The following ARHGAP31 variants were observed in gnomAD, a reference collection of about 807,000 sequenced individuals.
The protein encoded by ARHGAP31 is Rho GTPase activating protein 31, also known as rho GTPase-activating protein 31.
ARHGAP31 carries 34 observed loss-of-function variants against 113.9 expected under a neutral mutation model. The ratio of observed to expected loss-of-function variants is 0.30; its 90% CI spans 0.23 to 0.40. The LOEUF is 0.40. ARHGAP31 is among the 10% of genes least tolerant of loss of function. The pLI, the probability that ARHGAP31 is intolerant of heterozygous loss-of-function variation, is 1.00. For synonymous variants in ARHGAP31, 650 were observed against 684.8 expected (o/e 0.95, Z 0.79); for missense variants, 1,548 against 1,767.1 (o/e 0.88, Z 2.22).
At chr3:119,319,454 T>C (rs926553277) in intron 1 of ARHGAP31, among the ~76,000 whole-genome samples, 11 of 152,104 alleles carry the variant, frequency 7.2e-5, no homozygotes, top group Non-Finnish European at 5.9e-5. Flanking sequence ...GAAACCACGG[T>C]ACATTATAGC....
chr3:119,309,381 T>C lies in ARHGAP31; in HGVS notation c.100+14377T>C, dbSNP rs1231167909. Among the ~76,000 whole-genome samples, 5 of 152,300 alleles carry C rather than the reference T, an allele frequency of 3.3e-5. No individual in the cohort carries two copies. In the East Asian group the frequency reaches 7.7e-4, roughly 24 times the overall value. On this transcript the variant is annotated intron_variant, in intron 1 of 11. Transcript: ENST00000264245. The stretch of plus-strand genomic sequence containing the variant: ...AGAAGTGCTGGAATCATGGCTCCCA[T>C]CGATTGAGAACTTGCCTCTTGCCAG...
At chr3:119,327,842 T>C (rs1174688719) in intron 1 of ARHGAP31, among the ~76,000 whole-genome samples, 1 of 152,268 alleles carries the variant, frequency 6.6e-6, no homozygotes, top group East Asian at 1.9e-4. Context: ...GAACAGTGCA[T>C]ATTGAATTGA....
At chr3:119,315,389 C>G (rs1208008262) in intron 1 of ARHGAP31, among the ~76,000 whole-genome samples, 1 of 152,204 alleles carries the variant, frequency 6.6e-6, no homozygotes, top group Admixed American at 6.5e-5. Context: ...AAACCCAATT[C>G]TGAACTTCTA....
At chr3:119,392,316 C>T (rs563868188) in intron 7 of ARHGAP31, among the ~76,000 whole-genome samples, 1 of 152,288 alleles carries the variant, frequency 6.6e-6, no homozygotes, top group East Asian at 1.9e-4. Context: ...GGTGTGGTGG[C>T]ATGTGCCTGT....
intron 1 of ARHGAP31, among the ~76,000 whole-genome samples, chr3:119,334,538 G>A (rs918052945): frequency 6.6e-6 from 1 of 152,194 alleles, no homozygotes; most frequent in Non-Finnish European, 1.5e-5. Flanking sequence ...CCATCTTCAG[G>A]TAGGGTGACC....
intron 1 of ARHGAP31, among the ~76,000 whole-genome samples, chr3:119,360,886 G>T (rs2080200105): frequency 6.6e-6 from 1 of 152,182 alleles, no homozygotes; most frequent in Non-Finnish European, 1.5e-5. Context: ...GCAACTATGT[G>T]TACCTCTGTA....
intron 1 of ARHGAP31, among the ~76,000 whole-genome samples, chr3:119,337,472 A>C (rs1034818824): frequency 6.6e-6 from 1 of 152,176 alleles, no homozygotes; most frequent in Non-Finnish European, 1.5e-5. Context: ...TTACTGCAAA[A>C]AGCAAAAGAA....
At chr3:119,336,632 G>A (rs2079950999) in intron 1 of ARHGAP31, among the ~76,000 whole-genome samples, 1 of 152,108 alleles carries the variant, frequency 6.6e-6, no homozygotes, top group Non-Finnish European at 1.5e-5. Flanking sequence ...TTTACTGCTG[G>A]TTTTATTTTT....
chr3:119,351,390 A>G (rs1461814404), intron 1 of ARHGAP31, among the ~76,000 whole-genome samples: 3 of 152,176 alleles, frequency 2.0e-5, no homozygotes, highest in East Asian at 3.9e-4. Context: ...GGTTATGCTT[A>G]TAAAATGTAC....
chr3:119,333,594 C>G (rs1043982577), intron 1 of ARHGAP31, among the ~76,000 whole-genome samples: 2 of 152,186 alleles, frequency 1.3e-5, no homozygotes, highest in Admixed American at 1.3e-4. Flanking sequence ...GTGTAGCACT[C>G]TGCAGCCTTT....
At chr3:119,367,548 C>G (rs888486118) in intron 2 of ARHGAP31, among the ~76,000 whole-genome samples, 4 of 152,226 alleles carry the variant, frequency 2.6e-5, no homozygotes, top group South Asian at 2.1e-4. Context: ...CTAGAAGGTT[C>G]TGTTGAGCAC....
Position 119,324,492 on chromosome 3 carries a change from C to T in ARHGAP31, c.100+29488C>T, listed in dbSNP as rs114263205. Among the ~76,000 whole-genome samples, 574 of 152,274 alleles carry T rather than the reference C, an allele frequency of 3.8e-3. 1 individual carries two copies. Among genetic ancestry groups the T allele is most frequent in the Non-Finnish European group, 6.0e-3 (410 of 68,016 alleles). ...CTCAGAAAAATAAAAAATTAGCAGTCCTAGGTAGATCCCCCAAAATCTTTT... is the reference window on the plus strand; with the variant it reads ...CTCAGAAAAATAAAAAATTAGCAGTTCTAGGTAGATCCCCCAAAATCTTTT... On this transcript the variant is annotated intron_variant, in intron 1 of 11. Coordinates refer to ENST00000264245, the MANE Select transcript of ARHGAP31 (RefSeq NM_020754.4).
At chr3:119,297,672 G>C (rs1465782691) in intron 1 of ARHGAP31, among the ~76,000 whole-genome samples, 1 of 152,172 alleles carries the variant, frequency 6.6e-6, no homozygotes, top group Non-Finnish European at 1.5e-5. Context: ...TCTGAACATG[G>C]GGACGCCACA....
At chr3:119,337,443 G>C (rs774861625) in intron 1 of ARHGAP31, among the ~76,000 whole-genome samples, 38 of 152,192 alleles carry the variant, frequency 2.5e-4, no homozygotes, top group Non-Finnish European at 3.5e-4. Context: ...CAGACCCAAA[G>C]AGTGACCAGC....
At chr3:119,304,150 A>T (rs1319368907) in intron 1 of ARHGAP31, among the ~76,000 whole-genome samples, 3 of 152,168 alleles carry the variant, frequency 2.0e-5, no homozygotes, top group African/African-American at 7.2e-5. Flanking sequence ...TCAATGCAAT[A>T]AGTATGTAAT....
chr3:119,349,433 C>G (rs571011810), intron 1 of ARHGAP31, among the ~76,000 whole-genome samples: 2 of 152,212 alleles, frequency 1.3e-5, no homozygotes, highest in South Asian at 4.2e-4. Context: ...TTCTGAAGAA[C>G]GCAGGAGAGA....
intron 1 of ARHGAP31, among the ~76,000 whole-genome samples, chr3:119,325,813 TA>T (rs777645308): frequency 1.3e-5 from 2 of 152,244 alleles, no homozygotes; most frequent in Non-Finnish European, 2.9e-5. Context: ...GGGAAGTTTT[TA>T]AAAATTTTTT....
chr3:119,379,284 G>C (rs567715565), intron 3 of ARHGAP31, among the ~76,000 whole-genome samples: 11 of 152,296 alleles, frequency 7.2e-5, no homozygotes, highest in African/African-American at 2.6e-4. Context: ...TAATGGCAGT[G>C]AGTCCTGTGG....
At chr3:119,313,693 A>G (rs1040347383) in intron 1 of ARHGAP31, among the ~76,000 whole-genome samples, 3 of 152,224 alleles carry the variant, frequency 2.0e-5, no homozygotes, top group Non-Finnish European at 4.4e-5. Flanking sequence ...TCTGGCCCAC[A>G]AACTGGTATA....
Sources: allele counts gnomAD v4.1 joint callset (sites outside exome capture counted in the v4.1 genomes callset), GRCh38; gene constraint gnomAD v4.1.1; transcripts MANE v1.5; gene names NCBI Gene and HGNC (gene_info 2026-07-23, HGNC 2026-07-21).